SLC9C1: variants seen among roughly 807,000 people sequenced by gnomAD.
SLC9C1 encodes the protein solute carrier family 9 member C1, also known as sodium/hydrogen exchanger 10.
SLC9C1 carries 97 observed loss-of-function variants against 140.9 expected under a neutral mutation model. That is an observed-to-expected ratio of 0.69 (90% CI 0.58 to 0.82). The LOEUF (loss-of-function observed/expected upper bound fraction) is 0.82, where lower values mean the gene tolerates loss of function less well. SLC9C1 is among the 40% of genes least tolerant of loss of function. The probability of loss-of-function intolerance (pLI) is 0.00; values close to 1 mark genes in which losing one functional copy is unlikely to be tolerated. For synonymous variants in SLC9C1, 440 were observed against 442.6 expected (o/e 0.99, Z 0.07); for missense variants, 1,340 against 1,389.3 (o/e 0.96, Z 0.56).
At chr3:112,155,479 G>C (rs2075103612) in intron 26 of SLC9C1, among the ~76,000 whole-genome samples, 1 of 152,172 alleles carries the variant, frequency 6.6e-6, no homozygotes, top group Admixed American at 6.5e-5. Context: ...AGGACTGTGT[G>C]TATGTTGGGC....
chr3:112,221,348 G>T (rs1251318079), intron 13 of SLC9C1, 123 bp from the exon 14 acceptor site: 2 of 826,990 alleles, frequency 2.4e-6, no homozygotes, highest in South Asian at 3.6e-5. Context: ...TTTGTAAAAA[G>T]AATATTTCTA....
chr3:112,226,989 C>T (rs951406329), intron 13 of SLC9C1, among the ~76,000 whole-genome samples: 1 of 151,626 alleles, frequency 6.6e-6, no homozygotes. Context: ...AAGTGAAAAA[C>T]GAGACACAAC....
intron 27 of SLC9C1, 80 bp from the exon 28 acceptor site, chr3:112,152,043 T>G: frequency 9.2e-7 from 1 of 1,087,818 alleles, no homozygotes; most frequent in East Asian, 2.6e-5. Flanking sequence ...CTGTGGGTAT[T>G]TCTCGCAAGG....
At chr3:112,167,089 T>C in intron 26 of SLC9C1, 132 bp downstream of exon 26, 2 of 909,930 alleles carry the variant, frequency 2.2e-6, no homozygotes, top group Non-Finnish European at 3.2e-6. Flanking sequence ...ATACATTGAA[T>C]AGCAAATATG....
rs762047336 is a variant in SLC9C1 at position 112,278,726 on chromosome 3, T to C, written c.318+3A>G. On this transcript the variant is annotated splice_donor_region_variant and intron_variant, in intron 4 of 28. Coordinates refer to ENST00000305815, the MANE Select transcript of SLC9C1 (RefSeq NM_183061.3). Reference sequence around the variant, plus strand: ...AATGATATTACCAAAAAAGAATGCTTACCTGCCAAAATAACTTTTGAAGCA... The same window carrying C: ...AATGATATTACCAAAAAAGAATGCTCACCTGCCAAAATAACTTTTGAAGCA... 1 of 1,595,250 alleles carries C rather than the reference T, an allele frequency of 6.3e-7. No homozygotes were observed. Among genetic ancestry groups the C allele is most frequent in the South Asian group, 1.1e-5 (1 of 87,286 alleles).
At chr3:112,269,589 A>T (rs2080015660) in intron 7 of SLC9C1, among the ~76,000 whole-genome samples, 1 of 152,156 alleles carries the variant, frequency 6.6e-6, no homozygotes, top group African/African-American at 2.4e-5. Context: ...ACCTTATAAG[A>T]TATTTAAATA....
At chr3:112,273,731 TCTC>T (rs1210467574) in intron 6 of SLC9C1, among the ~76,000 whole-genome samples, 1 of 152,096 alleles carries the variant, frequency 6.6e-6, no homozygotes, top group African/African-American at 2.4e-5. Flanking sequence ...ACAGCTAAAA[TCTC>T]CTCTTCTTGA....
chr3:112,204,073 A>T, intron 17 of SLC9C1, 145 bp downstream of exon 17: 1 of 905,228 alleles, frequency 1.1e-6, no homozygotes, highest in Non-Finnish European at 1.4e-6. Context: ...TATGAAACTT[A>T]ATTTGCCAAA....
chr3:112,242,831 CG>C (rs1381355383), intron 11 of SLC9C1, among the ~76,000 whole-genome samples: 1 of 151,008 alleles, frequency 6.6e-6, no homozygotes, highest in Non-Finnish European at 1.5e-5. Context: ...AAAATTAAAA[CG>C]AAAAAAAAGT....
chr3:112,255,671 T>G (rs1043846137), intron 10 of SLC9C1, among the ~76,000 whole-genome samples: 1 of 151,932 alleles, frequency 6.6e-6, no homozygotes, highest in African/African-American at 2.4e-5. Flanking sequence ...CTAAAAGAAC[T>G]AGAGAAGCAA....
rs879832394 is a variant in SLC9C1 at position 112,142,707 on chromosome 3, G to A, written c.3525-1426C>T. On this transcript the variant is annotated intron_variant, in intron 28 of 28. Coordinates refer to ENST00000305815, the MANE Select transcript of SLC9C1 (RefSeq NM_183061.3). ...CTGATAATATATGAAAGTATTCTTT[G>A]GGCAATAATAAAAAAAAATCCTTTT... Among the ~76,000 whole-genome samples, 6 of 151,952 alleles carry A rather than the reference G, an allele frequency of 3.9e-5. No individual in the cohort carries two copies. The South Asian group carries it at 1.0e-3, about 26-fold the overall frequency.
chr3:112,236,724 G>C (rs2078996809), intron 12 of SLC9C1, among the ~76,000 whole-genome samples: 1 of 152,140 alleles, frequency 6.6e-6, no homozygotes, highest in African/African-American at 2.4e-5. Context: ...ATTTTGTTAT[G>C]TACCCAGTAG....
At chr3:112,278,676 A>G (rs1309954556) in intron 4 of SLC9C1, 53 bp downstream of exon 4, 4 of 1,530,854 alleles carry the variant, frequency 2.6e-6, no homozygotes, top group African/African-American at 1.4e-5. Flanking sequence ...AAATTTGAAC[A>G]TAGATAATAT....
Position 112,179,692 on chromosome 3 carries a change from A to G in SLC9C1, c.2758T>C (p.Ser920Pro), listed in dbSNP as rs1385565278. The G allele has an allele frequency of 6.3e-7, 1 of 1,599,520 alleles. No individual in the cohort carries two copies. The change falls in exon 23 of 29, where the codon TCA (serine) becomes CCA (proline). Residue 920 changes from serine (S) to proline (P), a missense_variant. Physicochemically the swap from Ser to Pro is moderately conservative, Grantham distance 74. Transcript: ENST00000305815. ...IISGMVKLEK[S>P]KPGLGIDQMV... The stretch of plus-strand genomic sequence containing the variant: ...TGATCAATCCCTAAACCTGGCTTTG[A>G]TTTTTCAAGCTGTTCAGGAACAAAG...
At chr3:112,185,612 C>A (rs1371558631) in intron 20 of SLC9C1, 1 of 1,593,162 alleles carries the variant, frequency 6.3e-7, no homozygotes, top group East Asian at 2.2e-5. Context: ...AGCCCTCTCT[C>A]CCAAGGGGCA....
chr3:112,198,151 G>A (rs2077813592), intron 20 of SLC9C1, among the ~76,000 whole-genome samples: 1 of 151,904 alleles, frequency 6.6e-6, no homozygotes, highest in African/African-American at 2.4e-5. Context: ...GAATTTTTTA[G>A]TTCTTGCCAC....
At chr3:112,277,924 T>C (rs1179489558) in intron 4 of SLC9C1, 64 bp from the exon 5 acceptor site, 1 of 1,368,102 alleles carries the variant, frequency 7.3e-7, no homozygotes, top group Non-Finnish European at 1.0e-6. Flanking sequence ...AAGAAGAAAA[T>C]AATCAGGATT....
chr3:112,279,420 T>C (rs893878328), intron 3 of SLC9C1, among the ~76,000 whole-genome samples: 1 of 152,200 alleles, frequency 6.6e-6, no homozygotes, highest in Non-Finnish European at 1.5e-5. Context: ...CTCAGAGACA[T>C]TTATTACATT....
At chr3:112,264,173 A>T in intron 9 of SLC9C1, 27 bp downstream of exon 9, 1 of 984,538 alleles carries the variant, frequency 1.0e-6, no homozygotes, top group African/African-American at 1.7e-5. Context: ...TTATCTATAA[A>T]TAGAAAAATT....
Sources: allele counts gnomAD v4.1 joint callset (sites outside exome capture counted in the v4.1 genomes callset), GRCh38; gene constraint gnomAD v4.1.1; transcripts MANE v1.5; gene names NCBI Gene and HGNC (gene_info 2026-07-23, HGNC 2026-07-21).